Variants in LRP1B observed in about 807,000 individuals in gnomAD.
The protein encoded by LRP1B is LDL receptor related protein 1B.
In LRP1B, 217 loss-of-function variants were observed where a neutral mutation model predicts 556.6. The ratio of observed to expected loss-of-function variants is 0.39; its 90% CI spans 0.35 to 0.44. LRP1B has a LOEUF of 0.44. Among genes scored for constraint, LRP1B ranks in the 20% least tolerant of loss-of-function variants. The pLI is 1.00. For missense variants in LRP1B, 5,053 were observed against 5,620.8 expected (o/e 0.90, Z 3.23); for synonymous variants, 2,047 against 1,865.8 (o/e 1.10, Z -2.50).
At chr2:140,315,166 T>C (rs1009057128) in intron 82 of LRP1B, 67 bp from the exon 83 acceptor site, 1 of 1,075,212 alleles carries the variant, frequency 9.3e-7, no homozygotes, top group African/African-American at 1.6e-5. Context: ...ATAATTCAAA[T>C]AGATACAATA....
chr2:141,766,064 TTGA>T (rs1232095145), intron 2 of LRP1B, among the ~76,000 whole-genome samples: 1 of 152,246 alleles, frequency 6.6e-6, no homozygotes, highest in Non-Finnish European at 1.5e-5. Context: ...CAGTTGCTTA[TTGA>T]TTTCTTTTTT....
At chr2:140,708,919 C>T (rs776051262) in intron 37 of LRP1B, among the ~76,000 whole-genome samples, 21 of 151,918 alleles carry the variant, frequency 1.4e-4, no homozygotes, top group Non-Finnish European at 2.4e-4. Context: ...CAAATTTATT[C>T]CATTTCCTTT....
At chr2:142,097,798 C>G (rs1706427793) in intron 1 of LRP1B, among the ~76,000 whole-genome samples, 1 of 151,648 alleles carries the variant, frequency 6.6e-6, no homozygotes, top group Non-Finnish European at 1.5e-5. Flanking sequence ...TATTCCAATT[C>G]TGAAGCACTC....
intron 41 of LRP1B, among the ~76,000 whole-genome samples, chr2:140,669,333 CT>C (rs1313614973): frequency 3.3e-5 from 5 of 151,994 alleles, no homozygotes; most frequent in African/African-American, 1.2e-4. Flanking sequence ...CAACTTTATT[CT>C]TTATTGGGTC....
At chr2:141,379,075 T>A (rs1689541278) in intron 3 of LRP1B, among the ~76,000 whole-genome samples, 1 of 152,078 alleles carries the variant, frequency 6.6e-6, no homozygotes, top group African/African-American at 2.4e-5. Context: ...ATAATCAAAT[T>A]GTCAATAGCC....
chr2:140,704,632 G>T (rs895516961), intron 37 of LRP1B, among the ~76,000 whole-genome samples: 1 of 151,940 alleles, frequency 6.6e-6, no homozygotes, highest in Non-Finnish European at 1.5e-5. Flanking sequence ...TAACTAACTC[G>T]CAAATGAAAT....
At chr2:141,675,784 A>G (rs1690853332) in intron 2 of LRP1B, among the ~76,000 whole-genome samples, 1 of 151,764 alleles carries the variant, frequency 6.6e-6, no homozygotes. Context: ...TTAAATTTTA[A>G]ACAATTTCTT....
intron 1 of LRP1B, among the ~76,000 whole-genome samples, chr2:141,883,410 G>T (rs930141085): frequency 4.6e-5 from 7 of 152,156 alleles, no homozygotes; most frequent in South Asian, 2.1e-4. Context: ...GTTTGGTAGA[G>T]TTGAAGACAC....
intron 72 of LRP1B, 41 bp from the exon 73 acceptor site, chr2:140,358,987 A>G (rs958423907): frequency 1.9e-5 from 30 of 1,583,356 alleles, no homozygotes; most frequent in Non-Finnish European, 2.5e-5. Flanking sequence ...TCCTTCGAGT[A>G]CATTGCTTTA....
chr2:141,466,095 A>C (rs1682184291), intron 3 of LRP1B, among the ~76,000 whole-genome samples: 1 of 149,286 alleles, frequency 6.7e-6, no homozygotes, highest in Non-Finnish European at 1.5e-5. Flanking sequence ...CACCATCTTG[A>C]CCAGGCTGGT....
chr2:140,982,351 A>G (rs1696798011), intron 17 of LRP1B, 75 bp from the exon 18 acceptor site: 2 of 886,026 alleles, frequency 2.3e-6, no homozygotes, highest in Non-Finnish European at 3.8e-6. Context: ...TAAGCATGCA[A>G]TATTCCTTTC....
chr2:140,633,939 G>A, intron 41 of LRP1B, among the ~76,000 whole-genome samples: 1 of 152,106 alleles, frequency 6.6e-6, no homozygotes, highest in Non-Finnish European at 1.5e-5. Flanking sequence ...CTGCTTCCTA[G>A]TCCACTGGAT....
chr2:141,165,810 T>C (rs1464811848), intron 7 of LRP1B, among the ~76,000 whole-genome samples: 1 of 152,066 alleles, frequency 6.6e-6, no homozygotes, highest in Non-Finnish European at 1.5e-5. Flanking sequence ...AAATCCTGGT[T>C]AACTCAATGC....
chr2:141,574,250 T>C (rs1445940378), intron 2 of LRP1B, among the ~76,000 whole-genome samples: 1 of 152,140 alleles, frequency 6.6e-6, no homozygotes, highest in African/African-American at 2.4e-5. Flanking sequence ...TCCACCACGA[T>C]CAAATCAGCT....
At chr2:141,799,979 T>C (rs1347726604) in intron 2 of LRP1B, among the ~76,000 whole-genome samples, 1 of 152,194 alleles carries the variant, frequency 6.6e-6, no homozygotes, top group Non-Finnish European at 1.5e-5. Flanking sequence ...TATACTCTTA[T>C]GATCATATCC....
rs568208080 is a variant in LRP1B at position 140,966,717 on chromosome 2, T to G, written c.2888-14777A>C. Among the ~76,000 whole-genome samples the G allele has an allele frequency of 7.2e-5, 11 of 152,264 alleles. No individual in the cohort carries two copies. The East Asian group carries it at 7.7e-4, about 11-fold the overall frequency. ...TTTAACCCCTCTTGAATTAATTTTT[T>G]TATAAGGTGTAAGGAAGGGATCCCG... On this transcript the variant is annotated intron_variant, in intron 18 of 90. Coordinates refer to ENST00000389484, the MANE Select transcript of LRP1B (RefSeq NM_018557.3).
intron 86 of LRP1B, among the ~76,000 whole-genome samples, chr2:140,259,756 T>C (rs1167675864): frequency 6.6e-6 from 1 of 151,900 alleles, no homozygotes; most frequent in Non-Finnish European, 1.5e-5. Flanking sequence ...GAAACAGACA[T>C]ATAAATTTAA....
At chr2:140,864,078 G>C (rs1441494927) in intron 27 of LRP1B, among the ~76,000 whole-genome samples, 1 of 151,778 alleles carries the variant, frequency 6.6e-6, no homozygotes, top group Non-Finnish European at 1.5e-5. Flanking sequence ...TAGACCTTGA[G>C]CAATTTACTT....
At chr2:141,647,010 T>A (rs1014682241) in intron 2 of LRP1B, among the ~76,000 whole-genome samples, 1 of 152,144 alleles carries the variant, frequency 6.6e-6, no homozygotes, top group Non-Finnish European at 1.5e-5. Flanking sequence ...CCTTGATTCC[T>A]CCCCTTGCTA....
Sources: allele counts gnomAD v4.1 joint callset (sites outside exome capture counted in the v4.1 genomes callset), GRCh38; gene constraint gnomAD v4.1.1; transcripts MANE v1.5; gene names NCBI Gene and HGNC (gene_info 2026-07-23, HGNC 2026-07-21).